The following DYNC1H1 variants were observed in gnomAD, a reference collection of about 807,000 sequenced individuals.
DYNC1H1 encodes the protein cytoplasmic dynein 1 heavy chain 1.
In DYNC1H1, 51 loss-of-function variants were observed where a neutral mutation model predicts 527.1. The observed-to-expected ratio is 0.10, with a 90% CI of 0.08 to 0.12. The LOEUF is 0.12. Among genes scored for constraint, DYNC1H1 ranks in the 10% least tolerant of loss-of-function variants. The probability of loss-of-function intolerance (pLI) is 1.00; values close to 1 mark genes in which losing one functional copy is unlikely to be tolerated. For synonymous variants in DYNC1H1, 2,189 were observed against 2,278.8 expected, an observed-to-expected ratio of 0.96 and a Z score of 1.12; for missense variants, 2,771 against 5,971.8, an observed-to-expected ratio of 0.46 and a Z score of 17.66.
Position 102,047,564 on chromosome 14 carries a change from CATAT to C in DYNC1H1, c.13007-245_13007-242del, listed in dbSNP as rs1243897806. ...AAATATATATATACACACACACACA[CATAT>C]ATATATACATACACATACGTATATA... On this transcript the variant is annotated intron_variant, in intron 72 of 77. Coordinates refer to ENST00000360184, the MANE Select transcript of DYNC1H1 (RefSeq NM_001376.5). 48 of 271,344 alleles carry C rather than the reference CATAT, an allele frequency of 1.8e-4. 4 individuals carry two copies. Among genetic ancestry groups the C allele is most frequent in the Admixed American group, 3.9e-4 (8 of 20,584 alleles). The allele number at this position is 271,344 out of a possible 1,614,324, so 16.8% of individuals were successfully genotyped here. A position where few individuals can be genotyped will look rare whatever the true frequency, so the allele number is the denominator to read the frequency against.
Position 102,010,306 on chromosome 14 carries a change from C to T in DYNC1H1, c.6252C>T (p.Ser2084=). 6.2e-7 allele frequency: 1 copy of T among 1,613,948 alleles called. No individual in the cohort carries two copies. The highest frequency in any genetic ancestry group is 1.7e-5 in the Admixed American group (1 of 60,004). The change falls in exon 31 of 78, where the codon AGC becomes AGT. Residue 2084 remains serine (S), a synonymous_variant. Coordinates refer to ENST00000360184, the MANE Select transcript of DYNC1H1 (RefSeq NM_001376.5). This position sits in a 1 kb window ranked among gnomAD's most constrained non-coding sequence, Gnocchi z 6.0. Reference sequence around the variant, plus strand: ...GCGATGAGCAGCTCTCTTCCCAAAGCCATTATGACTTCGGTCTTCGGGCTT... The same window carrying T: ...GCGATGAGCAGCTCTCTTCCCAAAGTCATTATGACTTCGGTCTTCGGGCTT... ...KLCDEQLSSQ[S]HYDFGLRALK...
In DYNC1H1 at chr14:101,964,787, G is replaced by A; in HGVS notation, c.96G>A (p.Lys32=). The A allele has an allele frequency of 1.9e-6, 3 of 1,602,394 alleles. No individual in the cohort carries two copies. The highest frequency in any genetic ancestry group is 2.5e-6 in the Non-Finnish European group (3 of 1,176,762). ...TGGCGGACGTGTCGGTGCTGCAGAAGCACCTGCGCAAGCTGGTGCCGCTGC... is the reference window on the plus strand; with the variant it reads ...TGGCGGACGTGTCGGTGCTGCAGAAACACCTGCGCAAGCTGGTGCCGCTGC... ...QNVADVSVLQ[K]HLRKLVPLLL... Residue 32 remains lysine, a synonymous_variant, in exon 1 of 78, where the codon AAG becomes AAA. Transcript: ENST00000360184. This position sits in a 1 kb window ranked among gnomAD's most constrained non-coding sequence, Gnocchi z 5.5.
chr14:101,970,866 C>T (rs914190119), intron 1 of DYNC1H1, among the ~76,000 whole-genome samples: 6 of 151,992 alleles, frequency 3.9e-5, no homozygotes, highest in South Asian at 2.1e-4. Flanking sequence ...GTAGTGTATG[C>T]GGGCCAAAGG....
Position 101,986,884 on chromosome 14 carries a change from G to C in DYNC1H1, c.2538+121G>C. The stretch of plus-strand genomic sequence containing the variant: ...CATGGTTGATGCAGCATACGGCCAT[G>C]TGAGCTGCAAGGGAGGAGGACCCTT... On this transcript the variant is annotated intron_variant, in intron 8 of 77. Coordinates refer to ENST00000360184, the MANE Select transcript of DYNC1H1 (RefSeq NM_001376.5). This position sits in a 1 kb window ranked among gnomAD's most constrained non-coding sequence, Gnocchi z 8.7. 1 of 1,230,000 alleles carries C rather than the reference G, an allele frequency of 8.1e-7. No individual in the cohort carries two copies. The highest frequency in any genetic ancestry group is 1.2e-6 in the Non-Finnish European group (1 of 840,680). The allele number at this position is 1,230,000 out of a possible 1,614,324, so 76.2% of individuals were successfully genotyped here.
At chr14:101,992,952 A>G (rs1214801557) in intron 11 of DYNC1H1, among the ~76,000 whole-genome samples, 1 of 152,032 alleles carries the variant, frequency 6.6e-6, no homozygotes, top group African/African-American at 2.4e-5. Flanking sequence ...GGTCTCATCT[A>G]GTCTTGTTGA....
chr14:102,029,992 TGA>T lies in DYNC1H1; in HGVS notation c.9762+60_9762+61del. 1.2e-6 allele frequency: 2 copies of T among 1,613,324 alleles called. No individual in the cohort carries two copies. The highest frequency in any genetic ancestry group is 1.7e-6 in the Non-Finnish European group (2 of 1,179,856). On this transcript the variant is annotated intron_variant, in intron 50 of 77. Coordinates refer to ENST00000360184, the MANE Select transcript of DYNC1H1 (RefSeq NM_001376.5). The surrounding 1 kb of genome is among the most constrained non-coding windows in gnomAD (Gnocchi z 5.3). The stretch of plus-strand genomic sequence containing the variant: ...AGGACTGAGCATTTTCAGTCTCCAA[TGA>T]GAGAGTAGGAAATGTAGTTCCAAAT...
At position 102,053,231 on chromosome 14, in the gene DYNC1H1, C is replaced by G. The variant is rs1239701862; in HGVS notation, c.*2668C>G. On this transcript the variant is annotated 3_prime_UTR_variant, in exon 78 of 78. Coordinates refer to ENST00000360184, the MANE Select transcript of DYNC1H1 (RefSeq NM_001376.5). ...TCTGGGCTCACTGCAACCTCCACCT[C>G]CCGGATTCAAGCGATTCTCCTGCCT... 1 of 151,210 alleles carries G rather than the reference C, an allele frequency of 6.6e-6. No homozygotes were observed. The highest frequency in any genetic ancestry group is 1.5e-5 in the Non-Finnish European group (1 of 67,934). 9.4% of individuals were successfully genotyped at this position (151,210 alleles called of 1,614,324 possible). A position where few individuals can be genotyped will look rare whatever the true frequency, so the allele number is the denominator to read the frequency against.
At chr14:101,999,892 C>T (rs2048110282) in intron 16 of DYNC1H1, 97 bp from the exon 17 acceptor site, 1 of 1,570,982 alleles carries the variant, frequency 6.4e-7, no homozygotes, top group South Asian at 1.1e-5. Flanking sequence ...CCGAAACGTC[C>T]AGAAGCCCTG....
At chr14:102,022,051 G>A (rs945392385) in intron 42 of DYNC1H1, among the ~76,000 whole-genome samples, 5 of 152,058 alleles carry the variant, frequency 3.3e-5, no homozygotes, top group East Asian at 3.9e-4. Flanking sequence ...CAGGAGAATC[G>A]CTTGAACCTG....
chr14:101,969,111 G>A (rs560524973), intron 1 of DYNC1H1, among the ~76,000 whole-genome samples: 101 of 151,874 alleles, frequency 6.7e-4, no homozygotes, highest in Non-Finnish European at 1.3e-3. Context: ...TCCGCCTCCC[G>A]GGTTCACGCC....
intron 7 of DYNC1H1, among the ~76,000 whole-genome samples, chr14:101,984,156 T>G (rs911761204): frequency 1.3e-5 from 2 of 148,588 alleles, no homozygotes; most frequent in Non-Finnish European, 3.0e-5. Context: ...GTGTGTGTGT[T>G]GGCGGGAGGG....
At position 101,995,079 on chromosome 14, in the gene DYNC1H1, C is replaced by T. The variant is rs868078939; in HGVS notation, c.3427C>T (p.His1143Tyr). The change falls in exon 14 of 78, where the codon CAT becomes TAT. Residue 1143 changes from histidine (H) to tyrosine (Y), a missense_variant. This residue lies in a region of DYNC1H1 where 223 missense variants were observed against 462.5 expected (regional missense o/e 0.48). Transcript: ENST00000360184. The stretch of plus-strand genomic sequence containing the variant: ...GCTAGGATCAAACATGACGGAATTC[C>T]ATTCCCAGATCTCAAAGGTGAGGAC... ...QMLGSNMTEF[H>Y]SQISKSRQEL... 1.2e-6 allele frequency: 2 copies of T among 1,614,178 alleles called. No individual in the cohort carries two copies. Among genetic ancestry groups the T allele is most frequent in the South Asian group, 2.2e-5 (2 of 91,080 alleles).
rs1165834398 is a variant in DYNC1H1 at position 102,055,299 on chromosome 14, C to G, written c.*4736C>G. On this transcript the variant is annotated 3_prime_UTR_variant, in exon 78 of 78. Coordinates refer to ENST00000360184, the MANE Select transcript of DYNC1H1 (RefSeq NM_001376.5). ...GCATCAGCGCCCCACCCAACAGAGC[C>G]GACCAGGCTGGGAACACCGAGACCG... 6.6e-6 allele frequency: 1 copy of G among 152,160 alleles called. No individual in the cohort carries two copies. The highest frequency in any genetic ancestry group is 1.5e-5 in the Non-Finnish European group (1 of 68,112). 9.4% of individuals were successfully genotyped at this position (152,160 alleles called of 1,614,324 possible). A position where few individuals can be genotyped will look rare whatever the true frequency, so the allele number is the denominator to read the frequency against.
At chr14:102,040,800 A>G in intron 64 of DYNC1H1, 127 bp downstream of exon 64, 1 of 1,172,320 alleles carries the variant, frequency 8.5e-7, no homozygotes, top group African/African-American at 1.5e-5. Context: ...TCTCTACAAA[A>G]AATAAAACCT....
chr14:102,040,621 C>T lies in DYNC1H1; in HGVS notation c.11889C>T (p.Ser3963=). 1 of 1,614,224 alleles carries T rather than the reference C, an allele frequency of 6.2e-7. No individual in the cohort carries two copies. Among genetic ancestry groups the T allele is most frequent in the Non-Finnish European group, 8.5e-7 (1 of 1,180,050 alleles). ...ADEQFGIWLD[S]SSPEQTVPYL... ...AGCAATTTGGCATCTGGCTGGACAG[C>T]AGCTCCCCGGAGCAGACTGTGCCCT... The change falls in exon 64 of 78, where the codon AGC becomes AGT. Residue 3963 remains serine, a synonymous_variant. Transcript: ENST00000360184.
chr14:102,012,550 T>C lies in DYNC1H1; in HGVS notation c.7014+80T>C, dbSNP rs2048270214. The C allele has an allele frequency of 6.3e-6, 10 of 1,581,650 alleles. No individual in the cohort carries two copies. The highest frequency in any genetic ancestry group is 1.7e-4 in the Middle Eastern group (1 of 5,794). On this transcript the variant is annotated intron_variant, in intron 34 of 77. Coordinates refer to ENST00000360184, the MANE Select transcript of DYNC1H1 (RefSeq NM_001376.5). The surrounding 1 kb of genome is among the most constrained non-coding windows in gnomAD (Gnocchi z 4.9). Reference sequence around the variant, plus strand: ...TTCGTGTGCTAGCTAAGTGCAGCTCTGGAGTCATGGACCCAGATTCCATGG... The same window carrying C: ...TTCGTGTGCTAGCTAAGTGCAGCTCCGGAGTCATGGACCCAGATTCCATGG...
Position 102,039,176 on chromosome 14 carries a change from G to A in DYNC1H1, c.11382G>A (p.Val3794=). The change falls in exon 60 of 78, where the codon GTG becomes GTA. Residue 3794 remains valine, a synonymous_variant. Transcript: ENST00000360184. The surrounding 1 kb of genome is among the most constrained non-coding windows in gnomAD (Gnocchi z 7.0). ...AGACGGACATTGTCATGCAGGAGGT[G>A]GAGACCGTGTCCCAGCAGTACCTCC... ...VEETDIVMQE[V]ETVSQQYLPL... The A allele has an allele frequency of 6.2e-7, 1 of 1,614,182 alleles. No homozygotes were observed. Among genetic ancestry groups the A allele is most frequent in the Non-Finnish European group, 8.5e-7 (1 of 1,180,036 alleles).
rs1478218690 is a variant in DYNC1H1 at position 101,983,793 on chromosome 14, T to A, written c.1461+184T>A. 6.6e-6 allele frequency among the ~76,000 whole-genome samples: 1 copy of A among 152,058 alleles called. No homozygotes were observed. The highest frequency in any genetic ancestry group is 6.6e-5 in the Admixed American group (1 of 15,266). On this transcript the variant is annotated intron_variant, in intron 7 of 77. Coordinates refer to ENST00000360184, the MANE Select transcript of DYNC1H1 (RefSeq NM_001376.5). This position sits in a 1 kb window ranked among gnomAD's most constrained non-coding sequence, Gnocchi z 5.3. ...TCTGGGTTCAAGCGATTCTCCTGCC[T>A]CAGCCTCTCGAGTAGCTGGGATTAC... is the stretch of plus-strand genomic sequence containing the variant.
At chr14:102,019,045 C>T (rs922649379) in intron 41 of DYNC1H1, among the ~76,000 whole-genome samples, 9 of 152,210 alleles carry the variant, frequency 5.9e-5, no homozygotes, top group African/African-American at 2.2e-4. Context: ...ATCAAAGTCA[C>T]TTTTCTATGC....
Sources: gnomAD v4.1 joint callset for allele counts (sites outside exome capture counted in the v4.1 genomes callset) on GRCh38, gnomAD v4.1.1 for gene constraint, gnomAD v4.1.1 regional missense constraint, Gnocchi (gnomAD v3.1) non-coding constraint, MANE v1.5 for transcripts, NCBI Gene and HGNC (gene_info 2026-07-23, HGNC 2026-07-21) for gene names.